TMEM232: variants seen among roughly 807,000 people sequenced by gnomAD.
TMEM232 encodes the protein transmembrane protein 232.
TMEM232 carries 80 observed loss-of-function variants against 78.8 expected under a neutral mutation model. The ratio of observed to expected loss-of-function variants is 1.01; its 90% CI spans 0.85 to 1.22. The LOEUF is 1.22. Among genes scored for constraint, TMEM232 ranks in the 50% most tolerant of loss-of-function variants. The pLI is 0.00. For synonymous variants in TMEM232, 297 were observed against 254.3 expected (o/e 1.17, Z -1.60); for missense variants, 881 against 742.2 (o/e 1.19, Z -2.17).
At chr5:110,522,142 ATTTAAG>A (rs552513176) in intron 12 of TMEM232, among the ~76,000 whole-genome samples, 347 of 152,206 alleles carry the variant, frequency 2.3e-3, no homozygotes, top group Middle Eastern at 6.9e-3. Flanking sequence ...TTACATCCTT[ATTTAAG>A]TTTATTTCCA....
intron 1 of TMEM232, among the ~76,000 whole-genome samples, chr5:110,706,171 A>T (rs1459344333): frequency 6.6e-6 from 1 of 152,154 alleles, no homozygotes; most frequent in African/African-American, 2.4e-5. Context: ...TGTCCAAACC[A>T]GCGATGAGAT....
At chr5:110,458,605 T>C (rs1343581813) in intron 12 of TMEM232, among the ~76,000 whole-genome samples, 1 of 152,184 alleles carries the variant, frequency 6.6e-6, no homozygotes, top group Non-Finnish European at 1.5e-5. Context: ...ATACCTCTCC[T>C]AGCAACTAAT....
At chr5:110,393,914 C>T (rs552817293) in intron 3 of TMEM232, among the ~76,000 whole-genome samples, 30 of 148,130 alleles carry the variant, frequency 2.0e-4, no homozygotes, top group African/African-American at 7.0e-4. Flanking sequence ...GCCACAATCA[C>T]GCCACTGCAC....
intron 12 of TMEM232, among the ~76,000 whole-genome samples, chr5:110,475,748 C>T (rs1398324540): frequency 6.6e-6 from 1 of 151,654 alleles, no homozygotes; most frequent in Non-Finnish European, 1.5e-5. Flanking sequence ...CCAGAGTTCC[C>T]CACTCAGCTG....
intron 12 of TMEM232, among the ~76,000 whole-genome samples, chr5:110,512,674 A>C (rs778763103): frequency 2.6e-5 from 4 of 152,222 alleles, no homozygotes; most frequent in African/African-American, 9.6e-5. Flanking sequence ...CAGTTAATGC[A>C]TGTTTATTAA....
At chr5:110,450,471 A>AT (rs111760242) in intron 12 of TMEM232, among the ~76,000 whole-genome samples, 12,504 of 151,090 alleles carry the variant, frequency 0.083, 1,101 homozygotes, top group East Asian at 0.22. Context: ...TCAAATCTCC[A>AT]TTTTTTTTCA....
At chr5:110,554,126 G>T (rs1774787855) in intron 11 of TMEM232, among the ~76,000 whole-genome samples, 1 of 152,148 alleles carries the variant, frequency 6.6e-6, no homozygotes, top group Admixed American at 6.6e-5. Flanking sequence ...GATCCTGGGT[G>T]TGTCTGTGAG....
intron 12 of TMEM232, among the ~76,000 whole-genome samples, chr5:110,433,625 T>C (rs994038182): frequency 1.3e-5 from 2 of 152,048 alleles, no homozygotes; most frequent in African/African-American, 4.8e-5. Flanking sequence ...GGATTTATGT[T>C]TTAGGTTTTG....
chr5:110,470,739 A>G (rs1762576360), intron 12 of TMEM232, among the ~76,000 whole-genome samples: 1 of 152,170 alleles, frequency 6.6e-6, no homozygotes, highest in Non-Finnish European at 1.5e-5. Flanking sequence ...AGGTGAAAGT[A>G]TTTCTCTATG....
intron 1 of TMEM232, among the ~76,000 whole-genome samples, chr5:110,723,802 G>A (rs1310257810): frequency 6.6e-6 from 1 of 152,124 alleles, no homozygotes; most frequent in Non-Finnish European, 1.5e-5. Flanking sequence ...GCTTAGTAGG[G>A]GATGTTGGTA....
At chr5:110,455,583 T>C (rs78344984) in intron 12 of TMEM232, among the ~76,000 whole-genome samples, 5,898 of 152,006 alleles carry the variant, frequency 0.039, 344 homozygotes, top group East Asian at 0.26. Flanking sequence ...TTTCACCGTG[T>C]TAGCCAGGAT....
intron 12 of TMEM232, among the ~76,000 whole-genome samples, chr5:110,478,897 ATTTTTTTTTTTTT>A (rs746104997): frequency 8.9e-6 from 1 of 111,814 alleles, no homozygotes; most frequent in Non-Finnish European, 1.9e-5. Flanking sequence ...GGAGAAATTG[ATTTTTTTTTTTTT>A]TTTTTTTTTT....
intron 7 of TMEM232, among the ~76,000 whole-genome samples, chr5:110,619,982 T>C (rs1202520977): frequency 6.6e-6 from 1 of 152,118 alleles, no homozygotes; most frequent in African/African-American, 2.4e-5. Flanking sequence ...GGTTAATTTA[T>C]AATAAATATT....
chr5:110,451,728 T>C (rs1760301914), intron 12 of TMEM232, among the ~76,000 whole-genome samples: 1 of 152,164 alleles, frequency 6.6e-6, no homozygotes, highest in Non-Finnish European at 1.5e-5. Flanking sequence ...TTTCTTTCTC[T>C]CTAAAAACTC....
rs571348795 is a variant in TMEM232 at position 110,495,914 on chromosome 5, A to G, written c.1703+32674T>C. ...AGAAATGTTCACTTGCTTTGCTAGTAAAGAAGAACCATTCATACTGACAAA... is the reference window on the plus strand; with the variant it reads ...AGAAATGTTCACTTGCTTTGCTAGTGAAGAAGAACCATTCATACTGACAAA... On this transcript the variant is annotated intron_variant, in intron 12 of 13. Transcript: ENST00000455884. Among the ~76,000 whole-genome samples the G allele has an allele frequency of 3.0e-3, 463 of 151,876 alleles. 3 individuals carry two copies. The highest frequency in any genetic ancestry group is 0.011 in the African/African-American group (442 of 41,536).
At chr5:110,672,831 T>TTAG (rs1326632781) in intron 1 of TMEM232, among the ~76,000 whole-genome samples, 1 of 147,688 alleles carries the variant, frequency 6.8e-6, no homozygotes, top group Non-Finnish European at 1.5e-5. Flanking sequence ...ATTTTTATTG[T>TTAG]TATTATTATT....
At position 110,605,251 on chromosome 5, in the gene TMEM232, T is replaced by C; in HGVS notation, c.1134A>G (p.Arg378=). 6.4e-7 allele frequency: 1 copy of C among 1,551,296 alleles called. No individual in the cohort carries two copies. Among genetic ancestry groups the C allele is most frequent in the East Asian group, 2.5e-5 (1 of 40,812 alleles). The change falls in exon 10 of 14, where the codon CGA becomes CGG. Residue 378 remains arginine, a synonymous_variant. Coordinates refer to ENST00000455884, the MANE Select transcript of TMEM232 (RefSeq NM_001039763.4). ...GACAGAAACCAATTAAAGCAGTTTT[T>C]CGCAAATCAGAAGTGGCTGCATACA... ...ICLYAATSDL[R]KTALIGFCHC...
chr5:110,417,899 G>C (rs1756310576), downstream of TMEM232: 1 of 152,236 alleles, frequency 6.6e-6, no homozygotes, highest in East Asian at 1.9e-4. Flanking sequence ...TTCTGATAGT[G>C]TGGTTTCAGC....
chr5:110,738,700 G>C (rs1278736825), upstream of TMEM232: 2 of 235,314 alleles, frequency 8.5e-6, no homozygotes, highest in Non-Finnish European at 1.7e-5. Context: ...GTGACATGGG[G>C]TATTTCTGGC....
Sources: gnomAD v4.1 joint callset for allele counts (sites outside exome capture counted in the v4.1 genomes callset) on GRCh38, gnomAD v4.1.1 for gene constraint, MANE v1.5 for transcripts, NCBI Gene and HGNC (gene_info 2026-07-23, HGNC 2026-07-21) for gene names.